Variants in TBC1D16 observed in about 807,000 individuals in gnomAD.
TBC1D16 encodes CTD-2529O21.1.
In TBC1D16, 58 loss-of-function variants were observed where a neutral mutation model predicts 74.7. The observed-to-expected ratio is 0.78, with a 90% CI of 0.63 to 0.97. The LOEUF is 0.97. Among genes scored for constraint, TBC1D16 ranks in the 50% least tolerant of loss-of-function variants. The pLI is 0.00. For synonymous variants in TBC1D16, 493 were observed against 474.7 expected (o/e 1.04, Z -0.50); for missense variants, 1,014 against 1,079.5 (o/e 0.94, Z 0.85).
chr17:80,030,892 G>C (rs527629450), intron 1 of TBC1D16, among the ~76,000 whole-genome samples: 1 of 152,226 alleles, frequency 6.6e-6, no homozygotes. Context: ...GCACATGGCC[G>C]GCAGAAACTG....
chr17:80,016,649 C>T (rs2144714338), intron 1 of TBC1D16, among the ~76,000 whole-genome samples: 1 of 152,270 alleles, frequency 6.6e-6, no homozygotes, highest in East Asian at 1.9e-4. Context: ...CTCAGCAGAA[C>T]TGGCTCCCAG....
intron 1 of TBC1D16, among the ~76,000 whole-genome samples, chr17:80,031,473 C>G (rs934987838): frequency 3.3e-5 from 5 of 151,876 alleles, no homozygotes; most frequent in African/African-American, 1.2e-4. Context: ...AAAGAGGACC[C>G]CTGAGAGGCT....
chr17:79,947,011 AG>A (rs1343368593), intron 9 of TBC1D16, among the ~76,000 whole-genome samples: 1 of 152,206 alleles, frequency 6.6e-6, no homozygotes. Context: ...AACAGTGAGC[AG>A]GTGCCCTGGC....
chr17:79,943,116 C>T (rs913394268), intron 10 of TBC1D16, among the ~76,000 whole-genome samples: 2 of 152,320 alleles, frequency 1.3e-5, no homozygotes, highest in African/African-American at 2.4e-5. Context: ...CCAGGCTGAG[C>T]GGAGCACACC....
In TBC1D16 at chr17:80,010,518, T is replaced by A. The variant is rs753479931; in HGVS notation, c.421A>T (p.Ile141Phe). 2.5e-5 allele frequency: 41 copies of A among 1,611,246 alleles called. 1 individual carries two copies. In the South Asian group the frequency reaches 4.2e-4, roughly 16 times the overall value. ...GGAACACTCTGGGCCACCACCAGGA[T>A]GTCCTCATCTTTGGGGGTCAGGGTA... ...RPTLTPKDED[I>F]LVVAQSVPDR... The change falls in exon 3 of 12, where the codon ATC becomes TTC. Residue 141 changes from isoleucine (I) to phenylalanine (F), a missense_variant. Ile to Phe is a conservative substitution (Grantham distance 21). Coordinates refer to ENST00000310924, the MANE Select transcript of TBC1D16 (RefSeq NM_019020.4). The surrounding 1 kb of genome is among the most constrained non-coding windows in gnomAD (Gnocchi z 8.8).
chr17:80,017,309 C>T (rs1382172218), intron 1 of TBC1D16, among the ~76,000 whole-genome samples: 1 of 152,142 alleles, frequency 6.6e-6, no homozygotes, highest in Non-Finnish European at 1.5e-5. Flanking sequence ...GCTTTACTGA[C>T]AGACACTCAA....
In TBC1D16 at chr17:79,961,232, G is replaced by A. The variant is rs185148246; in HGVS notation, c.780-8414C>T. ...AAGTGAAAGAAGCCAGACACAAAAG[G>A]CTACATGAGAAGATACTCAGCATCC... On this transcript the variant is annotated intron_variant, in intron 3 of 11. Transcript: ENST00000310924. The surrounding 1 kb of genome is among the most constrained non-coding windows in gnomAD (Gnocchi z 4.8). 6.6e-6 allele frequency among the ~76,000 whole-genome samples: 1 copy of A among 152,160 alleles called. No individual in the cohort carries two copies. Among genetic ancestry groups the A allele is most frequent in the Non-Finnish European group, 1.5e-5 (1 of 68,038 alleles).
rs896646352 is a variant in TBC1D16 at position 79,950,941 on chromosome 17, C to G, written c.1090-363G>C. On this transcript the variant is annotated intron_variant, in intron 5 of 11. Coordinates refer to ENST00000310924, the MANE Select transcript of TBC1D16 (RefSeq NM_019020.4). This position sits in a 1 kb window ranked among gnomAD's most constrained non-coding sequence, Gnocchi z 4.6. ...GGCCACATACAAAGGGATCGCTGTT[C>G]TGCGAGCAGGGAGCCAGCCTGTCAG... The G allele has an allele frequency of 2.4e-6, 3 of 1,242,858 alleles. No homozygotes were observed. The African/African-American group carries it at 4.5e-5, about 19-fold the overall frequency. 77.0% of individuals were successfully genotyped at this position (1,242,858 alleles called of 1,614,324 possible). A position where few individuals can be genotyped will look rare whatever the true frequency, so the allele number is the denominator to read the frequency against.
rs772249685 is a variant in TBC1D16 at position 79,941,070 on chromosome 17, C to A, written c.2093G>T (p.Arg698Leu). 1 of 1,593,612 alleles carries A rather than the reference C, an allele frequency of 6.3e-7. No individual in the cohort carries two copies. Among genetic ancestry groups the A allele is most frequent in the South Asian group, 1.1e-5 (1 of 88,098 alleles). The change falls in exon 12 of 12, where the codon CGG becomes CTG. Residue 698 changes from arginine (R) to leucine (L), a missense_variant. Transcript: ENST00000310924. This position sits in a 1 kb window ranked among gnomAD's most constrained non-coding sequence, Gnocchi z 4.3. ...SLLYQFRLLPRIPCSLHDLCK... is the reference protein window; with the variant it reads ...SLLYQFRLLPLIPCSLHDLCK... ...CAGATCGTGCAGGCTGCAGGGGATC[C>A]GGGGCAGGAGGCGGAACTGGTACAG...
At chr17:79,952,854 C>A in intron 3 of TBC1D16, 36 bp from the exon 4 acceptor site, 1 of 1,576,524 alleles carries the variant, frequency 6.3e-7, no homozygotes, top group Non-Finnish European at 8.6e-7. Flanking sequence ...CGCCACACTT[C>A]TCCCTGCCCA....
rs774918759 is a variant in TBC1D16 at position 80,009,303 on chromosome 17, T to C, written c.779+857A>G. Among the ~76,000 whole-genome samples the C allele has an allele frequency of 6.6e-6, 1 of 152,092 alleles. No individual in the cohort carries two copies. Among genetic ancestry groups the C allele is most frequent in the African/African-American group, 2.4e-5 (1 of 41,398 alleles). On this transcript the variant is annotated intron_variant, in intron 3 of 11. Transcript: ENST00000310924. The surrounding 1 kb of genome is among the most constrained non-coding windows in gnomAD (Gnocchi z 5.4). ...GAGCGTAAGGACCACAGCCGGGGCA[T>C]AGGAAGGGGCTGTGGAAGTCGGATG... is the stretch of plus-strand genomic sequence containing the variant.
At chr17:80,031,338 G>A (rs983876673) in intron 1 of TBC1D16, among the ~76,000 whole-genome samples, 26 of 152,316 alleles carry the variant, frequency 1.7e-4, no homozygotes, top group African/African-American at 5.1e-4. Flanking sequence ...GGATACACCC[G>A]GAAAGCCTGG....
At position 79,956,491 on chromosome 17, in the gene TBC1D16, C is replaced by T. The variant is rs1278147049; in HGVS notation, c.780-3673G>A. Among the ~76,000 whole-genome samples the T allele has an allele frequency of 6.6e-6, 1 of 152,180 alleles. No homozygotes were observed. Among genetic ancestry groups the T allele is most frequent in the East Asian group, 1.9e-4 (1 of 5,156 alleles). ...CTGGTCTCAAACTCCTGAGCTCAAG[C>T]GATCTGTCTGCCTTGGCCTCCCAAA... On this transcript the variant is annotated intron_variant, in intron 3 of 11. Transcript: ENST00000310924. This position sits in a 1 kb window ranked among gnomAD's most constrained non-coding sequence, Gnocchi z 4.0.
Position 79,961,872 on chromosome 17 carries a change from A to T in TBC1D16, c.780-9054T>A, listed in dbSNP as rs949152009. 5.3e-5 allele frequency among the ~76,000 whole-genome samples: 8 copies of T among 152,208 alleles called. No individual in the cohort carries two copies. Among genetic ancestry groups the T allele is most frequent in the African/African-American group, 1.9e-4 (8 of 41,460 alleles). On this transcript the variant is annotated intron_variant, in intron 3 of 11. Transcript: ENST00000310924. The surrounding 1 kb of genome is among the most constrained non-coding windows in gnomAD (Gnocchi z 4.8). Reference sequence around the variant, plus strand: ...GAGCAAAACTCCATCTCAAAAAAATAAAAATAAAAATAATAAAATAAAATA... The same window carrying T: ...GAGCAAAACTCCATCTCAAAAAAATTAAAATAAAAATAATAAAATAAAATA...
chr17:79,995,982 C>T (rs947105875), intron 3 of TBC1D16, among the ~76,000 whole-genome samples: 2 of 152,062 alleles, frequency 1.3e-5, no homozygotes, highest in Non-Finnish European at 2.9e-5. Context: ...ATTTGCAATC[C>T]TCATATCTAG....
Position 79,951,449 on chromosome 17 carries a change from C to T in TBC1D16, c.1089+1G>A. 1 of 1,613,236 alleles carries T rather than the reference C, an allele frequency of 6.2e-7. No homozygotes were observed. The stretch of plus-strand genomic sequence containing the variant: ...CATTCTGGGGCCGTCTGCTGGGCTA[C>T]CTGGTCTTTGAGCTGCATCTCGGTG... On this transcript the variant is annotated splice_donor_variant, in intron 5 of 11. Transcript: ENST00000310924. LOFTEE classifies it high-confidence loss of function.
chr17:80,027,360 G>C (rs72848456), intron 1 of TBC1D16, among the ~76,000 whole-genome samples: 10,279 of 152,142 alleles, frequency 0.068, 469 homozygotes, highest in Non-Finnish European at 0.1. Flanking sequence ...TACTCAGAAG[G>C]CTGAGTCAAG....
At chr17:80,004,531 G>C (rs2035604512) in intron 3 of TBC1D16, among the ~76,000 whole-genome samples, 1 of 152,182 alleles carries the variant, frequency 6.6e-6, no homozygotes, top group African/African-American at 2.4e-5. Context: ...GCCCAGGTTT[G>C]AAAACTCCCT....
At position 79,952,812 on chromosome 17, in the gene TBC1D16, CG is replaced by C; in HGVS notation, c.785del (p.Pro262ArgfsTer144). The C allele has an allele frequency of 1.2e-6, 2 of 1,607,242 alleles. No homozygotes were observed. The highest frequency in any genetic ancestry group is 2.2e-5 in the East Asian group (1 of 44,728). ...SVFLESDSSP[P>X]SSSDAGLRFP... ...ACCGCAGGCCGGCGTCGGAGCTGGA[CG>C]GGGGGCTGGTGGAACAGGTTATGTG... On this transcript the variant is annotated frameshift_variant, in exon 4 of 12. Transcript: ENST00000310924. LOFTEE classifies it high-confidence loss of function.
Sources: allele counts gnomAD v4.1 joint callset (sites outside exome capture counted in the v4.1 genomes callset), GRCh38; gene constraint gnomAD v4.1.1; non-coding constraint Gnocchi (gnomAD v3.1); transcripts MANE v1.5; gene names NCBI Gene and HGNC (gene_info 2026-07-23, HGNC 2026-07-21).